SKIC3: variants seen among roughly 807,000 people sequenced by gnomAD.
The protein encoded by SKIC3 is superkiller complex protein 3.
At chr5:95,492,642 AAAAAAAAAAG>A in the SKIC3 span, among the ~76,000 whole-genome samples, 45 of 58,446 alleles carry the variant, frequency 7.7e-4, 4 homozygotes, top group East Asian at 6.5e-3. Context: ...GTCTCAAAAA[AAAAAAAAAAG>A]AAAAAAAAAA....
At chr5:95,547,021 G>A in the SKIC3 span, 1 of 1,560,326 alleles carries the variant, frequency 6.4e-7, no homozygotes, top group Non-Finnish European at 8.8e-7. Context: ...TTATAAATGG[G>A]TAACATACTT....
At chr5:95,513,675 G>A in the SKIC3 span, 1 of 1,577,584 alleles carries the variant, frequency 6.3e-7, no homozygotes, top group Non-Finnish European at 8.7e-7. Context: ...GACTCTTAAT[G>A]TGTTTAAAAG....
chr5:95,520,966 T>C, the SKIC3 span: 1 of 634,328 alleles, frequency 1.6e-6, no homozygotes, highest in Non-Finnish European at 2.8e-6. Flanking sequence ...TAAAGCATGA[T>C]CCTACATTCA....
the SKIC3 span, chr5:95,491,061 TAA>T: frequency 6.2e-7 from 1 of 1,613,186 alleles, no homozygotes; most frequent in Non-Finnish European, 8.5e-7. Context: ...TACACAGTGA[TAA>T]GTCTTGTTAA....
the SKIC3 span, chr5:95,525,687 G>A: frequency 6.2e-7 from 1 of 1,610,628 alleles, no homozygotes; most frequent in Non-Finnish European, 8.5e-7. Context: ...GAAAATAATT[G>A]TAAAGAACTG....
the SKIC3 span, chr5:95,506,868 G>C: frequency 6.7e-7 from 1 of 1,491,960 alleles, no homozygotes; most frequent in South Asian, 1.1e-5. Context: ...CATATCAGCA[G>C]TCCCATAGCT....
At chr5:95,531,701 T>C in the SKIC3 span, among the ~76,000 whole-genome samples, 1 of 152,174 alleles carries the variant, frequency 6.6e-6, no homozygotes, top group Non-Finnish European at 1.5e-5. Flanking sequence ...TCTAAGAAGT[T>C]ACCAGGTGAT....
the SKIC3 span, chr5:95,524,355 A>G: frequency 1.4e-6 from 2 of 1,467,990 alleles, no homozygotes; most frequent in East Asian, 4.9e-5. Flanking sequence ...TGAAAGATAA[A>G]GCACAAAAAA....
chr5:95,528,199 G>A, the SKIC3 span: 1 of 1,611,574 alleles, frequency 6.2e-7, no homozygotes, highest in Non-Finnish European at 8.5e-7. Flanking sequence ...TATCACTTCT[G>A]TTTATTTTTT....
chr5:95,492,385 C>T, the SKIC3 span, among the ~76,000 whole-genome samples: 1 of 151,502 alleles, frequency 6.6e-6, no homozygotes, highest in African/African-American at 2.4e-5. Flanking sequence ...GCCTGTAATC[C>T]CAGCACTTTG....
chr5:95,523,251 G>C, the SKIC3 span: 9 of 1,613,680 alleles, frequency 5.6e-6, no homozygotes, highest in Non-Finnish European at 7.6e-6. Context: ...TATAGTCCTC[G>C]CCTAAGCCAG....
chr5:95,466,283 G>T, the SKIC3 span, among the ~76,000 whole-genome samples: 1 of 152,178 alleles, frequency 6.6e-6, no homozygotes, highest in Non-Finnish European at 1.5e-5. Context: ...GTATTTTATA[G>T]TAAAGGCAAG....
At chr5:95,468,302 C>G in the SKIC3 span, among the ~76,000 whole-genome samples, 1 of 152,050 alleles carries the variant, frequency 6.6e-6, no homozygotes, top group Non-Finnish European at 1.5e-5. Context: ...CCAAAGAGAA[C>G]AGAGAGACAG....
chr5:95,549,931 T>G, the SKIC3 span, among the ~76,000 whole-genome samples: 2 of 151,936 alleles, frequency 1.3e-5, no homozygotes, highest in African/African-American at 4.8e-5. Flanking sequence ...GATATTTCCC[T>G]TCATTGTAAG....
the SKIC3 span, chr5:95,523,174 A>G: frequency 1.9e-5 from 31 of 1,613,266 alleles, no homozygotes; most frequent in Admixed American, 1.3e-4. Flanking sequence ...CTTGTCTAAC[A>G]TAGTTTAAAT....
the SKIC3 span, chr5:95,550,781 T>C: frequency 6.6e-6 from 1 of 152,458 alleles, no homozygotes; most frequent in Non-Finnish European, 1.5e-5. Context: ...TAATTATGTA[T>C]AATTTTTAGT....
chr5:95,487,519 C>T, the SKIC3 span, among the ~76,000 whole-genome samples: 17 of 152,270 alleles, frequency 1.1e-4, no homozygotes, highest in East Asian at 3.1e-3. Flanking sequence ...GCATCCCAGG[C>T]CCCACCATAA....
the SKIC3 span, among the ~76,000 whole-genome samples, chr5:95,474,417 A>G: frequency 6.6e-6 from 1 of 152,232 alleles, no homozygotes; most frequent in South Asian, 2.1e-4. Flanking sequence ...AAAAGAAAAA[A>G]GGAAAAAAGG....
chr5:95,489,141 A>T, the SKIC3 span, among the ~76,000 whole-genome samples: 1 of 152,048 alleles, frequency 6.6e-6, no homozygotes, highest in Non-Finnish European at 1.5e-5. Flanking sequence ...ACATAGCAAG[A>T]CCTCATTTCT....
Sources: allele counts gnomAD v4.1 joint callset (sites outside exome capture counted in the v4.1 genomes callset), GRCh38; gene constraint gnomAD v4.1.1; transcripts MANE v1.5; gene names NCBI Gene and HGNC (gene_info 2026-07-23, HGNC 2026-07-21).